The following KIF18A variants were observed in gnomAD, a reference collection of about 807,000 sequenced individuals.
KIF18A encodes kinesin family member 18A.
In KIF18A, 67 loss-of-function variants were observed where a neutral mutation model predicts 103.3. The ratio of observed to expected loss-of-function variants is 0.65; its 90% confidence interval spans 0.53 to 0.79. KIF18A has a LOEUF of 0.79. Among genes scored for constraint, KIF18A ranks in the 30% least tolerant of loss-of-function variants. The pLI is 0.00. For synonymous variants in KIF18A, 367 were observed against 355.5 expected (o/e 1.03, Z -0.36); for missense variants, 1,032 against 1,062.5 (o/e 0.97, Z 0.40).
chr11:28,090,492 G>A, intron 5 of KIF18A, 125 bp downstream of exon 5: 2 of 547,090 alleles, frequency 3.7e-6, no homozygotes, highest in Non-Finnish European at 6.5e-6. Flanking sequence ...AAGCTATAAA[G>A]GAAAGTACTG....
chr11:28,098,165 T>G (rs986660502), intron 1 of KIF18A, among the ~76,000 whole-genome samples, 172 bp from the exon 2 acceptor site: 4 of 151,850 alleles, frequency 2.6e-5, no homozygotes, highest in African/African-American at 9.7e-5. Context: ...CACACACAAA[T>G]ATATGCACAC....
chr11:28,097,731 T>G lies in KIF18A; in HGVS notation c.217A>C (p.Lys73Gln). The change falls in exon 2 of 17, where the codon AAA (lysine) becomes CAA (glutamine). Residue 73 changes from lysine to glutamine, a missense_variant. By Grantham distance (53) the Lys-to-Gln change is moderately conservative. Coordinates refer to ENST00000263181, the MANE Select transcript of KIF18A (RefSeq NM_031217.4). The stretch of plus-strand genomic sequence containing the variant: ...TCAAAAACAGCATCAAATACAAATT[T>G]AAGATCCTTATTTTGTTTCTTTATA... ...NVIKKQNKDL[K>Q]FVFDAVFDET... 6.2e-7 allele frequency: 1 copy of G among 1,609,990 alleles called. No individual in the cohort carries two copies. The highest frequency in any genetic ancestry group is 1.1e-5 in the South Asian group (1 of 90,914).
intron 10 of KIF18A, among the ~76,000 whole-genome samples, chr11:28,075,782 T>C (rs1232204808): frequency 6.6e-6 from 1 of 152,182 alleles, no homozygotes; most frequent in African/African-American, 2.4e-5. Context: ...GGCTGATTTT[T>C]GCATTGCTTC....
At chr11:28,081,630 G>A (rs1851166662) in intron 9 of KIF18A, among the ~76,000 whole-genome samples, 1 of 152,142 alleles carries the variant, frequency 6.6e-6, no homozygotes, top group Non-Finnish European at 1.5e-5. Flanking sequence ...GAGTTCTCAT[G>A]GAGATGGACG....
chr11:28,024,813 C>A (rs907043555), intron 15 of KIF18A, among the ~76,000 whole-genome samples: 1 of 151,838 alleles, frequency 6.6e-6, no homozygotes, highest in African/African-American at 2.4e-5. Flanking sequence ...TTCAAACAAC[C>A]TAAGCTTAGG....
In KIF18A at chr11:28,021,948, C is replaced by T. The variant is rs186354405; in HGVS notation, c.2615-666G>A. Among the ~76,000 whole-genome samples the T allele has an allele frequency of 2.6e-5, 4 of 152,332 alleles. No homozygotes were observed. In the East Asian group the frequency reaches 5.8e-4, roughly 22 times the overall value. On this transcript the variant is annotated intron_variant, in intron 16 of 16. Transcript: ENST00000263181. Reference sequence around the variant, plus strand: ...GTTTTAGAGGGACATATTCCCTTAACACTCTCTGTTATTTCTCTAACTGCT... The same window carrying T: ...GTTTTAGAGGGACATATTCCCTTAATACTCTCTGTTATTTCTCTAACTGCT...
At chr11:28,050,104 A>G (rs1373297288) in intron 13 of KIF18A, among the ~76,000 whole-genome samples, 1 of 151,712 alleles carries the variant, frequency 6.6e-6, no homozygotes, top group East Asian at 1.9e-4. Flanking sequence ...TAATAAATCA[A>G]CCCATAACCT....
chr11:28,071,345 T>C (rs1851010657), intron 10 of KIF18A, among the ~76,000 whole-genome samples: 1 of 151,986 alleles, frequency 6.6e-6, no homozygotes, highest in Non-Finnish European at 1.5e-5. Context: ...AGCCAGGCAT[T>C]AAAGAAATTT....
intron 4 of KIF18A, 98 bp from the exon 5 acceptor site, chr11:28,090,825 G>C: frequency 1.5e-6 from 1 of 653,674 alleles, no homozygotes. Context: ...AAAGGTAAAA[G>C]AAAATGTTTT....
Position 28,044,983 on chromosome 11 carries a change from A to G in KIF18A, c.1949-8319T>C, listed in dbSNP as rs74810727. ...TTGCTAAGTGGTTATAAAAATTATAAATAAATATTTGGTGAGTGGTTAAGT... is the reference window on the plus strand; with the variant it reads ...TTGCTAAGTGGTTATAAAAATTATAGATAAATATTTGGTGAGTGGTTAAGT... On this transcript the variant is annotated intron_variant, in intron 13 of 16. Coordinates refer to ENST00000263181, the MANE Select transcript of KIF18A (RefSeq NM_031217.4). Among the ~76,000 whole-genome samples, 46 of 152,262 alleles carry G rather than the reference A, an allele frequency of 3.0e-4. No individual in the cohort carries two copies. In the East Asian group the frequency reaches 8.7e-3, roughly 29 times the overall value.
Position 28,058,935 on chromosome 11 carries a change from T to G in KIF18A, c.1939A>C (p.Ile647Leu), listed in dbSNP as rs747532789. ...TFPQLGPVQP[I>L]PCCSSSGGTN... Reference sequence around the variant, plus strand: ...CGAAAGTTATACTTACAACAAGGAATAGGCTGAACTGGTCCAAGTTGTGGA... The same window carrying G: ...CGAAAGTTATACTTACAACAAGGAAGAGGCTGAACTGGTCCAAGTTGTGGA... The change falls in exon 13 of 17, where the codon ATT becomes CTT. Residue 647 changes from isoleucine (I) to leucine (L), a missense_variant. Coordinates refer to ENST00000263181, the MANE Select transcript of KIF18A (RefSeq NM_031217.4). 23 of 1,612,866 alleles carry G rather than the reference T, an allele frequency of 1.4e-5. No homozygotes were observed. Among genetic ancestry groups the G allele is most frequent in the Non-Finnish European group, 2.0e-5 (23 of 1,179,108 alleles).
intron 9 of KIF18A, among the ~76,000 whole-genome samples, chr11:28,080,555 G>A (rs980662619): frequency 6.6e-6 from 1 of 152,030 alleles, no homozygotes; most frequent in Non-Finnish European, 1.5e-5. Flanking sequence ...TTGCTTTAGA[G>A]TGTCACAAAT....
At chr11:28,076,952 AAAAG>A in intron 10 of KIF18A, 51 bp downstream of exon 10, 1 of 910,048 alleles carries the variant, frequency 1.1e-6, no homozygotes, top group South Asian at 2.0e-5. Context: ...AAAAAAAAAA[AAAAG>A]CCCCCATGTT....
intron 1 of KIF18A, among the ~76,000 whole-genome samples, chr11:28,098,499 C>T (rs571181694): frequency 2.6e-5 from 4 of 152,204 alleles, no homozygotes; most frequent in East Asian, 1.9e-4. Flanking sequence ...GCCCCTTGGC[C>T]GTGGAAAGTG....
intron 7 of KIF18A, 191 bp downstream of exon 7, chr11:28,084,441 T>C (rs1851201603): frequency 4.6e-6 from 1 of 215,682 alleles, no homozygotes; most frequent in Non-Finnish European, 9.1e-6. Context: ...TATATATATA[T>C]ATAATCAAGA....
intron 1 of KIF18A, among the ~76,000 whole-genome samples, chr11:28,104,851 A>G (rs1442434702): frequency 6.6e-6 from 1 of 152,186 alleles, no homozygotes. Context: ...TTTAAAAGAT[A>G]TATATGTATA....
rs1376134314 is a variant in KIF18A, at chr11:28,033,423, A to G, written c.2504+1964T>C. Among the ~76,000 whole-genome samples, 3 of 151,686 alleles carry G rather than the reference A, an allele frequency of 2.0e-5. No homozygotes were observed. In the Admixed American group the frequency reaches 2.0e-4, roughly 10 times the overall value. On this transcript the variant is annotated intron_variant, in intron 15 of 16. Coordinates refer to ENST00000263181, the MANE Select transcript of KIF18A (RefSeq NM_031217.4). The stretch of plus-strand genomic sequence containing the variant: ...TATCTGCACTACCATGTTTATTGCA[A>G]CACTACTCACAATAGCCAAGATTTG...
chr11:28,091,190 A>C (rs1851299207), intron 4 of KIF18A, among the ~76,000 whole-genome samples: 1 of 150,908 alleles, frequency 6.6e-6, no homozygotes, highest in Non-Finnish European at 1.5e-5. Flanking sequence ...ACATACGTAG[A>C]TTAAAATTTA....
At chr11:28,064,015 T>C (rs1169912450) in intron 11 of KIF18A, among the ~76,000 whole-genome samples, 1 of 151,700 alleles carries the variant, frequency 6.6e-6, no homozygotes, top group Non-Finnish European at 1.5e-5. Context: ...ATTGAGACTA[T>C]GACAGAGAAC....
Sources: allele counts gnomAD v4.1 joint callset (sites outside exome capture counted in the v4.1 genomes callset), GRCh38; gene constraint gnomAD v4.1.1; transcripts MANE v1.5; gene names NCBI Gene and HGNC (gene_info 2026-07-23, HGNC 2026-07-21).